Variants in ZFHX3 observed in about 807,000 individuals in gnomAD.
The protein encoded by ZFHX3 is zinc finger homeobox protein 3.
Under a neutral mutation model 279.1 loss-of-function variants are expected in ZFHX3, and 42 were observed. The observed-to-expected ratio is 0.15, with a 90% CI of 0.12 to 0.19. ZFHX3 has a LOEUF of 0.19. Ranked by LOEUF, ZFHX3 falls within the 10% of genes least tolerant of loss-of-function variation. ZFHX3 has a pLI of 1.00. For synonymous variants in ZFHX3, 2,293 were observed against 1,957.8 expected (o/e 1.17, Z -4.52); for missense variants, 4,981 against 4,754.0 (o/e 1.05, Z -1.40).
rs371021863 is a variant in ZFHX3 at position 72,896,376 on chromosome 16, G to C, written c.3217-6414C>G. 9.9e-5 allele frequency among the ~76,000 whole-genome samples: 15 copies of C among 152,274 alleles called. No homozygotes were observed. In the South Asian group the frequency reaches 2.9e-3, roughly 29 times the overall value. ...CATCTCACGGCCCCCATCTGTCTCTGTGCCTTCCCTTCTAGGTCTGGCTCA... is the reference window on the plus strand; with the variant it reads ...CATCTCACGGCCCCCATCTGTCTCTCTGCCTTCCCTTCTAGGTCTGGCTCA... On this transcript the variant is annotated intron_variant, in intron 3 of 9. Coordinates refer to ENST00000268489, the MANE Select transcript of ZFHX3 (RefSeq NM_006885.4).
intron 3 of ZFHX3, among the ~76,000 whole-genome samples, chr16:73,450,613 T>A (rs1022343624): frequency 1.3e-5 from 2 of 152,232 alleles, no homozygotes; most frequent in African/African-American, 4.8e-5. Flanking sequence ...GCTGTTTTCT[T>A]TAGAAGAGCT....
At chr16:73,866,715 G>A (rs776684496) in intron 1 of ZFHX3, among the ~76,000 whole-genome samples, 8 of 152,162 alleles carry the variant, frequency 5.3e-5, no homozygotes, top group Non-Finnish European at 7.3e-5. Context: ...CTCAGAAACC[G>A]GATTTGATTC....
chr16:72,896,188 C>A (rs1036996627), intron 3 of ZFHX3, among the ~76,000 whole-genome samples: 2 of 152,164 alleles, frequency 1.3e-5, no homozygotes, highest in African/African-American at 4.8e-5. Flanking sequence ...ACAGCTACGG[C>A]TGGAAACGAA....
intron 5 of ZFHX3, among the ~76,000 whole-genome samples, chr16:73,248,604 G>A (rs917533879): frequency 6.6e-6 from 1 of 150,720 alleles, no homozygotes; most frequent in African/African-American, 2.4e-5. Flanking sequence ...TATGTCCTGT[G>A]TATGTGTCTG....
At chr16:73,278,177 AC>A (rs1317016016) in intron 4 of ZFHX3, among the ~76,000 whole-genome samples, 1 of 152,120 alleles carries the variant, frequency 6.6e-6, no homozygotes, top group Non-Finnish European at 1.5e-5. Flanking sequence ...GATCATTTAA[AC>A]CCAAGGAAGA....
At chr16:72,834,039 G>C (rs2037126683) in intron 4 of ZFHX3, among the ~76,000 whole-genome samples, 1 of 152,100 alleles carries the variant, frequency 6.6e-6, no homozygotes, top group Non-Finnish European at 1.5e-5. Context: ...TTGAACTCAG[G>C]AGTTTGAGAC....
In ZFHX3 at chr16:73,261,665, A is replaced by ATTTTTTT. The variant is rs1201579873; in HGVS notation, c.-1193-4530_-1193-4529insAAAAAAA. Among the ~76,000 whole-genome samples the ATTTTTTT allele has an allele frequency of 3.1e-4, 22 of 71,424 alleles. 1 individual carries two copies. The highest frequency in any genetic ancestry group is 9.7e-4 in the South Asian group (2 of 2,068). The allele number at this position is 71,424 out of a possible 152,430, so 46.9% of individuals were successfully genotyped here. Reference sequence around the variant, plus strand: ...TTGTATAAATATAAACATTCCTGTGATTGTTTTTTTTTTTTTTTTTTTTTT... The same window carrying ATTTTTTT: ...TTGTATAAATATAAACATTCCTGTGATTTTTTTTTGTTTTTTTTTTTTTTTTTTTTTT... On this transcript the variant is annotated intron_variant, in intron 4 of 17. Coordinates refer to the ZFHX3 transcript ENST00000641206.
At chr16:72,790,960 C>A (rs901738202) in intron 9 of ZFHX3, 1 of 152,200 alleles carries the variant, frequency 6.6e-6, no homozygotes, top group African/African-American at 2.4e-5. Context: ...CGAATCTCTA[C>A]TATTTACCAA....
At chr16:73,169,664 A>G (rs1338847629) in intron 5 of ZFHX3, among the ~76,000 whole-genome samples, 1 of 151,512 alleles carries the variant, frequency 6.6e-6, no homozygotes, top group East Asian at 1.9e-4. Flanking sequence ...GTCTCAAAAA[A>G]GGAAAAAAAA....
intron 1 of ZFHX3, among the ~76,000 whole-genome samples, chr16:73,025,350 C>T (rs1274235872): frequency 1.3e-5 from 2 of 152,162 alleles, no homozygotes; most frequent in Non-Finnish European, 2.9e-5. Context: ...GGAGGGACAC[C>T]ATGGTGGTTT....
intron 4 of ZFHX3, among the ~76,000 whole-genome samples, chr16:73,279,293 G>A (rs564121875): frequency 1.3e-5 from 2 of 152,026 alleles, no homozygotes; most frequent in South Asian, 2.1e-4. Context: ...CAAAGACTAC[G>A]ATATCTGTCG....
intron 1 of ZFHX3, among the ~76,000 whole-genome samples, chr16:73,783,230 C>T (rs1959531526): frequency 6.6e-6 from 1 of 152,214 alleles, no homozygotes; most frequent in South Asian, 2.1e-4. Flanking sequence ...AGGCCCAACC[C>T]TCATTCCCCA....
At chr16:72,792,487 C>T (rs1289478344) in intron 9 of ZFHX3, among the ~76,000 whole-genome samples, 2 of 151,904 alleles carry the variant, frequency 1.3e-5, no homozygotes, top group Non-Finnish European at 2.9e-5. Flanking sequence ...GAGACAGTCT[C>T]GCTGTGTCAC....
intron 2 of ZFHX3, among the ~76,000 whole-genome samples, chr16:73,587,752 A>G (rs1204970559): frequency 3.3e-5 from 5 of 152,242 alleles, no homozygotes; most frequent in Non-Finnish European, 5.9e-5. Context: ...AAAATGTCAA[A>G]TTTTATTAAA....
rs2144440520 is a variant in ZFHX3, at chr16:72,958,244, G to A, written c.1902C>T (p.Cys634=). The A allele has an allele frequency of 1.9e-6, 3 of 1,613,156 alleles. No individual in the cohort carries two copies. The highest frequency in any genetic ancestry group is 2.5e-6 in the Non-Finnish European group (3 of 1,179,174). The change falls in exon 2 of 10, where the codon TGC becomes TGT. Residue 634 remains cysteine, a synonymous_variant. Coordinates refer to ENST00000268489, the MANE Select transcript of ZFHX3 (RefSeq NM_006885.4). ...GSLCELGVGE[C]PSGSGVECPK... ...GGCACTCCACGCCACTCCCCGAGGG[G>A]CACTCCCCAACCCCAAGCTCGCAGA...
At chr16:73,776,638 C>T (rs1959254105) in intron 1 of ZFHX3, among the ~76,000 whole-genome samples, 2 of 152,136 alleles carry the variant, frequency 1.3e-5, no homozygotes, top group African/African-American at 2.4e-5. Flanking sequence ...GCGGCTCTCA[C>T]ACTAAGACCA....
chr16:73,625,454 C>A (rs1363856222), intron 2 of ZFHX3, among the ~76,000 whole-genome samples: 1 of 152,136 alleles, frequency 6.6e-6, no homozygotes, highest in African/African-American at 2.4e-5. Flanking sequence ...AATTGGGATT[C>A]TATGAAAGAA....
At chr16:73,129,274 G>A (rs1966630473) in intron 7 of ZFHX3, among the ~76,000 whole-genome samples, 1 of 152,016 alleles carries the variant, frequency 6.6e-6, no homozygotes, top group Admixed American at 6.6e-5. Context: ...TGTAATCCCA[G>A]CTACTCAGGA....
intron 5 of ZFHX3, among the ~76,000 whole-genome samples, chr16:73,144,642 G>T (rs1966856022): frequency 6.6e-6 from 1 of 152,096 alleles, no homozygotes; most frequent in Non-Finnish European, 1.5e-5. Context: ...CCTACTCCAC[G>T]TATTCAGACC....
Sources: gnomAD v4.1 joint callset for allele counts (sites outside exome capture counted in the v4.1 genomes callset) on GRCh38, gnomAD v4.1.1 for gene constraint, MANE v1.5 for transcripts, NCBI Gene and HGNC (gene_info 2026-07-23, HGNC 2026-07-21) for gene names.